RGL1: variants seen among roughly 807,000 people sequenced by gnomAD.
The protein encoded by RGL1 is ral guanine nucleotide dissociation stimulator-like 1.
In RGL1, 24 loss-of-function variants were observed where a neutral mutation model predicts 95.2. That is an observed-to-expected ratio of 0.25 (90% confidence interval 0.18 to 0.35). The LOEUF is 0.35. RGL1 is among the 10% of genes least tolerant of loss of function. The pLI, the probability that RGL1 is intolerant of heterozygous loss-of-function variation, is 1.00. For synonymous variants in RGL1, 329 were observed against 344.9 expected (o/e 0.95, Z 0.51); for missense variants, 715 against 936.3 (o/e 0.76, Z 3.08).
At chr1:183,922,713 A>G (rs1669383950) in intron 17 of RGL1, among the ~76,000 whole-genome samples, 1 of 152,208 alleles carries the variant, frequency 6.6e-6, no homozygotes, top group South Asian at 2.1e-4. Context: ...ATGTGTTTCT[A>G]AGTTGTGTGT....
At chr1:183,775,575 G>A (rs1328982773) in intron 2 of RGL1, among the ~76,000 whole-genome samples, 4 of 152,218 alleles carry the variant, frequency 2.6e-5, no homozygotes, top group Non-Finnish European at 5.9e-5. Context: ...GATTTTGGAT[G>A]TAAACAATTT....
intron 1 of RGL1, chr1:183,648,836 A>T: frequency 7.1e-7 from 1 of 1,415,836 alleles, no homozygotes; most frequent in Non-Finnish European, 9.5e-7. Context: ...GAAATTACAT[A>T]TAAAACCAGC....
chr1:183,779,814 T>C (rs1416221355), intron 2 of RGL1, among the ~76,000 whole-genome samples: 2 of 151,958 alleles, frequency 1.3e-5, no homozygotes, highest in Non-Finnish European at 2.9e-5. Context: ...TTTTGAATGA[T>C]AGGAAAGCAT....
chr1:183,771,400 G>C (rs1659265661), intron 2 of RGL1, among the ~76,000 whole-genome samples: 2 of 151,902 alleles, frequency 1.3e-5, no homozygotes, highest in African/African-American at 2.4e-5. Context: ...TTGCAAAGCA[G>C]TTGTTTTAGC....
chr1:183,797,306 G>T (rs1033556619), intron 2 of RGL1, among the ~76,000 whole-genome samples: 15 of 152,106 alleles, frequency 9.9e-5, no homozygotes, highest in African/African-American at 3.6e-4. Context: ...TCCAGCCTGG[G>T]TGAGAGAGCA....
chr1:183,927,137 A>G lies in RGL1; in HGVS notation c.*845A>G, dbSNP rs1333907997. The stretch of plus-strand genomic sequence containing the variant: ...GCACAAATAACCATGTTCTTTGGTA[A>G]TGAAGCCAGAAAAGAAAGCGCAAAA... On this transcript the variant is annotated 3_prime_UTR_variant, in exon 18 of 18. Transcript: ENST00000360851. The G allele has an allele frequency of 6.6e-6, 1 of 152,622 alleles. No homozygotes were observed. 9.5% of individuals were successfully genotyped at this position (152,622 alleles called of 1,614,324 possible).
At chr1:183,743,534 T>C (rs1178313594) in intron 2 of RGL1, among the ~76,000 whole-genome samples, 3 of 152,226 alleles carry the variant, frequency 2.0e-5, no homozygotes, top group Non-Finnish European at 2.9e-5. Flanking sequence ...GCTTACATGC[T>C]TGGAAATTTT....
rs138846409 is a variant in RGL1 at position 183,650,416 on chromosome 1, G to A, written c.-33+13915G>A. 4.1e-3 allele frequency among the ~76,000 whole-genome samples: 620 copies of A among 152,062 alleles called. 5 individuals are homozygous for A. Among genetic ancestry groups the A allele is most frequent in the African/African-American group, 0.014 (582 of 41,496 alleles). ...AAATTAGCCAGGTGTGGTGGCATGCGCCTGTAGTCCCAGTTACTCGGGAGG... is the reference window on the plus strand; with the variant it reads ...AAATTAGCCAGGTGTGGTGGCATGCACCTGTAGTCCCAGTTACTCGGGAGG... On this transcript the variant is annotated intron_variant, in intron 1 of 18. Transcript: ENST00000304685.
chr1:183,880,053 T>C (rs1381538590), intron 4 of RGL1, among the ~76,000 whole-genome samples: 1 of 152,248 alleles, frequency 6.6e-6, no homozygotes, highest in East Asian at 1.9e-4. Context: ...ATTCCTCTCA[T>C]TGTAATTTGA....
chr1:183,694,661 G>C (rs1654155000), intron 1 of RGL1, among the ~76,000 whole-genome samples: 1 of 152,202 alleles, frequency 6.6e-6, no homozygotes, highest in South Asian at 2.1e-4. Flanking sequence ...TTTACCATCT[G>C]ATTTATATGT....
intron 2 of RGL1, among the ~76,000 whole-genome samples, chr1:183,756,148 G>A (rs573568562): frequency 1.2e-4 from 18 of 151,282 alleles, no homozygotes; most frequent in Non-Finnish European, 2.2e-4. Flanking sequence ...GCCTCCCAAA[G>A]TGCTGGGAAT....
At chr1:183,865,678 G>T (rs551451172) in intron 3 of RGL1, among the ~76,000 whole-genome samples, 1 of 152,160 alleles carries the variant, frequency 6.6e-6, no homozygotes, top group African/African-American at 2.4e-5. Context: ...TGCCTTCTTC[G>T]TATTATGTAA....
At chr1:183,640,072 C>A (rs935757383) in intron 1 of RGL1, among the ~76,000 whole-genome samples, 1 of 152,122 alleles carries the variant, frequency 6.6e-6, no homozygotes, top group Non-Finnish European at 1.5e-5. Context: ...GATCTCCTGA[C>A]CTTGTCTGCC....
chr1:183,777,554 G>A (rs1284483573), intron 2 of RGL1, among the ~76,000 whole-genome samples: 2 of 152,130 alleles, frequency 1.3e-5, no homozygotes, highest in Non-Finnish European at 2.9e-5. Context: ...GAAAATAAGC[G>A]GTCCAGATAA....
intron 2 of RGL1, among the ~76,000 whole-genome samples, chr1:183,826,567 G>A (rs1181447034): frequency 6.6e-6 from 1 of 152,180 alleles, no homozygotes; most frequent in Non-Finnish European, 1.5e-5. Flanking sequence ...GTAAGAAGAA[G>A]ATGATGATGA....
chr1:183,778,831 T>G (rs755370550), intron 2 of RGL1, among the ~76,000 whole-genome samples: 14 of 152,208 alleles, frequency 9.2e-5, no homozygotes, highest in Non-Finnish European at 5.9e-5. Flanking sequence ...GGGCTCATCC[T>G]TTAGGGAATT....
intron 1 of RGL1, among the ~76,000 whole-genome samples, chr1:183,727,796 C>T (rs745322159): frequency 7.2e-5 from 11 of 152,070 alleles, no homozygotes; most frequent in Non-Finnish European, 1.6e-4. Flanking sequence ...TATATATTAG[C>T]AATAAACAGA....
At chr1:183,800,629 C>T (rs929729465), upstream of RGL1, among the ~76,000 whole-genome samples, 1 of 152,206 alleles carries the variant, frequency 6.6e-6, no homozygotes, top group Non-Finnish European at 1.5e-5. Flanking sequence ...AACTGAAACT[C>T]TGTACACACT....
At chr1:183,731,715 C>A (rs1656638683) in intron 1 of RGL1, among the ~76,000 whole-genome samples, 1 of 152,162 alleles carries the variant, frequency 6.6e-6, no homozygotes, top group Admixed American at 6.6e-5. Context: ...TTGGGCAATT[C>A]ACTTAATTTC....
Sources: allele counts gnomAD v4.1 joint callset (sites outside exome capture counted in the v4.1 genomes callset), GRCh38; gene constraint gnomAD v4.1.1; transcripts MANE v1.5; gene names NCBI Gene and HGNC (gene_info 2026-07-23, HGNC 2026-07-21).